The following ST8SIA5 variants were observed in gnomAD, a reference collection of about 807,000 sequenced individuals.
ST8SIA5 encodes the protein alpha-2,8-sialyltransferase 8E.
ST8SIA5 carries 24 observed loss-of-function variants against 40.2 expected under a neutral mutation model. The observed-to-expected ratio is 0.60, with a 90% confidence interval of 0.43 to 0.84. The LOEUF (loss-of-function observed/expected upper bound fraction) is 0.84. Among genes scored for constraint, ST8SIA5 ranks in the 40% least tolerant of loss-of-function variants. The pLI is 0.00. For synonymous variants in ST8SIA5, 198 were observed against 201.8 expected, an observed-to-expected ratio of 0.98 and a Z score of 0.16; for missense variants, 465 against 498.5, an observed-to-expected ratio of 0.93 and a Z score of 0.64.
At position 46,756,489 on chromosome 18, in the gene ST8SIA5, G is replaced by A. The variant is rs1328755992; in HGVS notation, c.20C>T (p.Ser7Leu). MRYADP[S>L]ANRDLLGSRT... ...GCTCCCCAACAAATCCCGGTTGGCC[G>A]AGGGGTCCGCGTAGCGCATCCTGGC... Residue 7 changes from serine to leucine, a missense_variant, in exon 1 of 7, where the codon TCG becomes TTG. Physicochemically the swap from Ser to Leu is moderately radical, Grantham distance 145. Coordinates refer to ENST00000315087, the MANE Select transcript of ST8SIA5 (RefSeq NM_013305.6). The A allele has an allele frequency of 3.1e-6, 5 of 1,612,842 alleles. No individual in the cohort carries two copies. The highest frequency in any genetic ancestry group is 1.3e-5 in the African/African-American group (1 of 74,852).
At chr18:46,689,572 ATTT>A (rs541590079) in intron 3 of ST8SIA5, among the ~76,000 whole-genome samples, 250 of 128,732 alleles carry the variant, frequency 1.9e-3, no homozygotes, top group African/African-American at 4.1e-3. Context: ...ATGTTTTATG[ATTT>A]TTTTTTTTTT....
chr18:46,693,743 C>G (rs554078527), intron 2 of ST8SIA5, among the ~76,000 whole-genome samples: 2 of 152,180 alleles, frequency 1.3e-5, no homozygotes, highest in Non-Finnish European at 2.9e-5. Context: ...CAAACACTAA[C>G]TGACCAATAT....
At position 46,672,638 on chromosome 18, in the gene ST8SIA5, G is replaced by C. The variant is rs1233956120; in HGVS notation, c.*7404C>G. ...TGAAATAAAAAAAAAAAAAAAGAAA[G>C]GTTCTCAGAAGAGACTGTGCAGGGG... On this transcript the variant is annotated 3_prime_UTR_variant, in exon 7 of 7. Coordinates refer to ENST00000315087, the MANE Select transcript of ST8SIA5 (RefSeq NM_013305.6). 2.0e-5 allele frequency: 3 copies of C among 151,634 alleles called. No homozygotes were observed. The highest frequency in any genetic ancestry group is 4.4e-5 in the Non-Finnish European group (3 of 67,948). 9.4% of individuals were successfully genotyped at this position (151,634 alleles called of 1,614,324 possible).
At chr18:46,685,441 G>A (rs906245418) in intron 5 of ST8SIA5, among the ~76,000 whole-genome samples, 11 of 152,192 alleles carry the variant, frequency 7.2e-5, no homozygotes, top group Non-Finnish European at 1.3e-4. Context: ...GACAGCAGGT[G>A]ACGCAGGGTG....
chr18:46,669,811 C>T lies in ST8SIA5; in HGVS notation c.*10231G>A, dbSNP rs1360508722. 2.0e-5 allele frequency: 3 copies of T among 152,202 alleles called. No individual in the cohort carries two copies. Among genetic ancestry groups the T allele is most frequent in the African/African-American group, 7.2e-5 (3 of 41,446 alleles). 9.4% of individuals were successfully genotyped at this position (152,202 alleles called of 1,614,324 possible). On this transcript the variant is annotated 3_prime_UTR_variant, in exon 7 of 7. Coordinates refer to ENST00000315087, the MANE Select transcript of ST8SIA5 (RefSeq NM_013305.6). ...GTTTGGCCGGGCACGGTGGCCCACA[C>T]CTATAATCCCAGCACTTTGGGAGGA...
At chr18:46,706,295 T>C (rs2039669464) in intron 1 of ST8SIA5, among the ~76,000 whole-genome samples, 1 of 152,174 alleles carries the variant, frequency 6.6e-6, no homozygotes, top group Admixed American at 6.5e-5. Flanking sequence ...TATTGAAGAT[T>C]CCCAAAATAT....
Position 46,686,075 on chromosome 18 carries a change from G to A in ST8SIA5, c.569+99C>T, listed in dbSNP as rs184901349. On this transcript the variant is annotated intron_variant, in intron 5 of 6. Transcript: ENST00000315087. Reference sequence around the variant, plus strand: ...GAGGGTCTGCAGGGGTGGGAAGTGGGGATTACTTGCTTAAAGGGTAGCATT... The same window carrying A: ...GAGGGTCTGCAGGGGTGGGAAGTGGAGATTACTTGCTTAAAGGGTAGCATT... 2.1e-5 allele frequency: 24 copies of A among 1,121,222 alleles called. No individual in the cohort carries two copies. The Admixed American group carries it at 3.4e-4, about 16-fold the overall frequency. The allele number at this position is 1,121,222 out of a possible 1,614,324, so 69.5% of individuals were successfully genotyped here. A position where few individuals can be genotyped will look rare whatever the true frequency, so the allele number is the denominator to read the frequency against.
At chr18:46,700,165 G>A (rs915312861) in intron 2 of ST8SIA5, among the ~76,000 whole-genome samples, 1 of 152,204 alleles carries the variant, frequency 6.6e-6, no homozygotes, top group African/African-American at 2.4e-5. Flanking sequence ...TCATGGAGTC[G>A]TTCTTCATGT....
At position 46,672,618 on chromosome 18, in the gene ST8SIA5, T is replaced by TA. The variant is rs35380817; in HGVS notation, c.*7423dup. On this transcript the variant is annotated 3_prime_UTR_variant, in exon 7 of 7. Coordinates refer to ENST00000315087, the MANE Select transcript of ST8SIA5 (RefSeq NM_013305.6). ...TGCTTTTGGTTTTTTTCCTTTGAAA[T>TA]AAAAAAAAAAAAAAAGAAAGGTTCT... 8.8e-4 allele frequency: 127 copies of TA among 143,716 alleles called. No homozygotes were observed. Among genetic ancestry groups the TA allele is most frequent in the Middle Eastern group, 3.8e-3 (1 of 266 alleles). The allele number at this position is 143,716 out of a possible 1,614,324, so 8.9% of individuals were successfully genotyped here.
chr18:46,673,640 C>T lies in ST8SIA5; in HGVS notation c.*6402G>A, dbSNP rs2039322219. ...CCATCCTACAGGGCATCCTAATAAA[C>T]CCATGTGATCTTCAAAGGGTAGACT... On this transcript the variant is annotated 3_prime_UTR_variant, in exon 7 of 7. Coordinates refer to ENST00000315087, the MANE Select transcript of ST8SIA5 (RefSeq NM_013305.6). 1 of 152,082 alleles carries T rather than the reference C, an allele frequency of 6.6e-6. No homozygotes were observed. The highest frequency in any genetic ancestry group is 6.5e-5 in the Admixed American group (1 of 15,278). 9.4% of individuals were successfully genotyped at this position (152,082 alleles called of 1,614,324 possible).
intron 4 of ST8SIA5, among the ~76,000 whole-genome samples, chr18:46,688,488 C>T (rs2039470203): frequency 6.6e-6 from 1 of 152,216 alleles, no homozygotes; most frequent in Non-Finnish European, 1.5e-5. Context: ...TCCCTATCTG[C>T]AGGATATCCT....
At chr18:46,700,504 G>A (rs956651514) in intron 2 of ST8SIA5, among the ~76,000 whole-genome samples, 2 of 152,270 alleles carry the variant, frequency 1.3e-5, no homozygotes, top group South Asian at 2.1e-4. Flanking sequence ...ATCAGAGGCC[G>A]GCCTCTGCAG....
intron 2 of ST8SIA5, among the ~76,000 whole-genome samples, chr18:46,695,739 A>G (rs1037284593): frequency 6.6e-6 from 1 of 152,234 alleles, no homozygotes; most frequent in Non-Finnish European, 1.5e-5. Context: ...CATCACTGTA[A>G]CTCAAGTGCT....
intron 4 of ST8SIA5, among the ~76,000 whole-genome samples, chr18:46,687,897 C>T (rs1439001450): frequency 6.6e-6 from 1 of 152,218 alleles, no homozygotes; most frequent in African/African-American, 2.4e-5. Flanking sequence ...AACCTTCCTC[C>T]TCTTCAGAGT....
intron 1 of ST8SIA5, among the ~76,000 whole-genome samples, chr18:46,719,663 T>G (rs2039831820): frequency 6.6e-6 from 1 of 151,164 alleles, no homozygotes; most frequent in African/African-American, 2.4e-5. Flanking sequence ...CGCCTTTCTA[T>G]CTTTCTCTTT....
At chr18:46,730,254 T>A in intron 1 of ST8SIA5, 1 of 985,358 alleles carries the variant, frequency 1.0e-6, no homozygotes, top group Non-Finnish European at 1.2e-6. Context: ...GGGGCTCGCA[T>A]TCCACCATTC....
chr18:46,748,013 C>T (rs12956754), intron 1 of ST8SIA5, among the ~76,000 whole-genome samples: 109,585 of 151,462 alleles, frequency 0.72, 40,144 homozygotes, highest in Middle Eastern at 0.8. Flanking sequence ...TAGGTGGGAA[C>T]TGAACAATGA....
chr18:46,712,288 C>A (rs950513927), intron 1 of ST8SIA5, among the ~76,000 whole-genome samples: 1 of 152,210 alleles, frequency 6.6e-6, no homozygotes, highest in Non-Finnish European at 1.5e-5. Flanking sequence ...ACTTTGACCA[C>A]CATGCCCACA....
intron 1 of ST8SIA5, among the ~76,000 whole-genome samples, chr18:46,734,302 C>A (rs1286536886): frequency 6.6e-6 from 1 of 152,082 alleles, no homozygotes; most frequent in Non-Finnish European, 1.5e-5. Flanking sequence ...ACCTGGGGGG[C>A]CTTTCATTGG....
Sources: allele counts gnomAD v4.1 joint callset (sites outside exome capture counted in the v4.1 genomes callset), GRCh38; gene constraint gnomAD v4.1.1; transcripts MANE v1.5; gene names NCBI Gene and HGNC (gene_info 2026-07-23, HGNC 2026-07-21).